HS3ST3A1: variants seen among roughly 807,000 people sequenced by gnomAD.
HS3ST3A1 encodes the protein heparan sulfate glucosamine 3-O-sulfotransferase 3A1.
A neutral mutation model predicts 25.7 loss-of-function variants in HS3ST3A1; 19 were observed. That is an observed-to-expected ratio of 0.74 (90% CI 0.52 to 1.08). The LOEUF (loss-of-function observed/expected upper bound fraction) is 1.08. HS3ST3A1 is among the 50% of genes least tolerant of loss of function. The probability of loss-of-function intolerance (pLI) is 0.00; values close to 1 mark genes in which losing one functional copy is unlikely to be tolerated. For missense variants in HS3ST3A1, 459 were observed against 594.3 expected, an observed-to-expected ratio of 0.77 and a Z score of 2.37; for synonymous variants, 226 against 278.6, an observed-to-expected ratio of 0.81 and a Z score of 1.88.
intron 1 of HS3ST3A1, among the ~76,000 whole-genome samples, chr17:13,531,618 C>G (rs974259238): frequency 1.4e-5 from 2 of 142,888 alleles, no homozygotes; most frequent in Non-Finnish European, 3.0e-5. Context: ...CTAAGCAAAT[C>G]ACCTTAAAAA....
At position 13,496,201 on chromosome 17, in the gene HS3ST3A1, C is replaced by T. The variant is rs779396044; in HGVS notation, c.1217G>A (p.Gly406Glu). The change falls in exon 2 of 2, where the codon GGA becomes GAA. Residue 406 changes from glycine to glutamate, a missense_variant. Coordinates refer to ENST00000284110, the MANE Select transcript of HS3ST3A1 (RefSeq NM_006042.3). ...QMTGHDFGWD[G>E] ...TTTTCTTTTTAAATTATATGGTTAT[C>T]CATCCCAGCCAAAGTCGTGCCCGGT... 2.5e-6 allele frequency: 4 copies of T among 1,598,580 alleles called. No individual in the cohort carries two copies. The highest frequency in any genetic ancestry group is 2.2e-5 in the East Asian group (1 of 44,550).
intron 1 of HS3ST3A1, among the ~76,000 whole-genome samples, chr17:13,533,333 G>C (rs577049850): frequency 6.6e-6 from 1 of 151,942 alleles, no homozygotes; most frequent in Admixed American, 6.6e-5. Flanking sequence ...GACTTTGTAG[G>C]TTATCTCACT....
intron 1 of HS3ST3A1, among the ~76,000 whole-genome samples, chr17:13,573,639 C>A (rs1215137012): frequency 1.3e-5 from 2 of 152,168 alleles, no homozygotes; most frequent in African/African-American, 4.8e-5. Flanking sequence ...CCTCCAGAAC[C>A]CTCTATCCTC....
At chr17:13,516,139 T>G (rs1906045765) in intron 1 of HS3ST3A1, among the ~76,000 whole-genome samples, 1 of 152,072 alleles carries the variant, frequency 6.6e-6, no homozygotes, top group Admixed American at 6.6e-5. Context: ...AGAAAGCCCG[T>G]TGCTACTAAA....
At chr17:13,532,878 CGT>C (rs113095368) in intron 1 of HS3ST3A1, among the ~76,000 whole-genome samples, 10 of 139,216 alleles carry the variant, frequency 7.2e-5, no homozygotes, top group South Asian at 2.5e-4. Flanking sequence ...AATACATATA[CGT>C]GTGTGTGTGT....
chr17:13,523,677 G>A (rs907777072), intron 1 of HS3ST3A1, among the ~76,000 whole-genome samples: 6 of 152,040 alleles, frequency 3.9e-5, no homozygotes, highest in Non-Finnish European at 5.9e-5. Flanking sequence ...GTTTTCTCTC[G>A]GTAAGTTTTT....
chr17:13,516,535 T>C (rs778523766), intron 1 of HS3ST3A1, among the ~76,000 whole-genome samples: 33 of 152,210 alleles, frequency 2.2e-4, no homozygotes, highest in African/African-American at 7.5e-4. Flanking sequence ...ATGAACTCTT[T>C]GCCTAGACCC....
chr17:13,547,943 C>CAA (rs1567620537), intron 1 of HS3ST3A1, among the ~76,000 whole-genome samples: 46 of 83,844 alleles, frequency 5.5e-4, no homozygotes, highest in African/African-American at 2.7e-3. Flanking sequence ...TTGGTGTGAG[C>CAA]CAAAAAAAAA....
At chr17:13,554,768 A>G (rs1274136251) in intron 1 of HS3ST3A1, among the ~76,000 whole-genome samples, 1 of 152,164 alleles carries the variant, frequency 6.6e-6, no homozygotes, top group African/African-American at 2.4e-5. Flanking sequence ...CAGGGTTGGG[A>G]TAAGATGCCA....
chr17:13,595,099 A>G (rs1267963192), intron 1 of HS3ST3A1, among the ~76,000 whole-genome samples: 1 of 151,880 alleles, frequency 6.6e-6, no homozygotes, highest in Admixed American at 6.5e-5. Context: ...CTCTTTTCAC[A>G]TTTATTGTCA....
intron 1 of HS3ST3A1, among the ~76,000 whole-genome samples, chr17:13,573,614 C>A (rs1243998106): frequency 6.6e-6 from 1 of 152,204 alleles, no homozygotes; most frequent in East Asian, 1.9e-4. Flanking sequence ...AGCTGTGTCT[C>A]TGGCAGAGTT....
chr17:13,520,176 A>G (rs567491019), intron 1 of HS3ST3A1, among the ~76,000 whole-genome samples: 1 of 152,342 alleles, frequency 6.6e-6, no homozygotes, highest in South Asian at 2.1e-4. Flanking sequence ...TAAAGGTTCA[A>G]TAAAGAATGG....
intron 1 of HS3ST3A1, among the ~76,000 whole-genome samples, chr17:13,515,153 A>G (rs1277115633): frequency 1.3e-5 from 2 of 152,194 alleles, no homozygotes; most frequent in Non-Finnish European, 2.9e-5. Flanking sequence ...TCTGAGACAT[A>G]TAAAATTGCA....
chr17:13,594,162 A>G (rs1465809075), intron 1 of HS3ST3A1, among the ~76,000 whole-genome samples: 1 of 152,190 alleles, frequency 6.6e-6, no homozygotes, highest in Non-Finnish European at 1.5e-5. Flanking sequence ...GTGAAGTGCC[A>G]TCCTATTGTA....
At chr17:13,578,002 C>T (rs905397644) in intron 1 of HS3ST3A1, among the ~76,000 whole-genome samples, 4 of 151,916 alleles carry the variant, frequency 2.6e-5, no homozygotes, top group East Asian at 3.9e-4. Context: ...TTGTAACAGG[C>T]GTCAAAAGAT....
At chr17:13,519,780 AG>A (rs1264434844) in intron 1 of HS3ST3A1, among the ~76,000 whole-genome samples, 2 of 152,040 alleles carry the variant, frequency 1.3e-5, no homozygotes, top group Non-Finnish European at 2.9e-5. Flanking sequence ...TACCAAGTCT[AG>A]AAAAAAAAAA....
At chr17:13,569,295 T>A (rs1354602872) in intron 1 of HS3ST3A1, among the ~76,000 whole-genome samples, 1 of 152,206 alleles carries the variant, frequency 6.6e-6, no homozygotes, top group Non-Finnish European at 1.5e-5. Context: ...CTGTTACATT[T>A]TATGCAGCGT....
intron 1 of HS3ST3A1, among the ~76,000 whole-genome samples, chr17:13,537,513 T>C (rs1906806051): frequency 6.6e-6 from 1 of 152,208 alleles, no homozygotes; most frequent in Admixed American, 6.5e-5. Flanking sequence ...GCTCTTATCA[T>C]CTTATTTTCT....
intron 1 of HS3ST3A1, among the ~76,000 whole-genome samples, chr17:13,584,566 A>AGAAGGAAGGAAGGAGG (rs1567629982): frequency 4.7e-5 from 7 of 149,604 alleles, no homozygotes; most frequent in South Asian, 2.1e-4. Flanking sequence ...AAGGAAGGAA[A>AGAAGGAAGGAAGGAGG]GAAGGAAGGA....
Sources: allele counts gnomAD v4.1 joint callset (sites outside exome capture counted in the v4.1 genomes callset), GRCh38; gene constraint gnomAD v4.1.1; transcripts MANE v1.5; gene names NCBI Gene and HGNC (gene_info 2026-07-23, HGNC 2026-07-21).